CSMD1: variants seen among roughly 807,000 people sequenced by gnomAD.
CSMD1 encodes CUB and Sushi multiple domains 1.
A neutral mutation model predicts 417.5 loss-of-function variants in CSMD1; 213 were observed. The observed-to-expected ratio is 0.51, with a 90% CI of 0.46 to 0.57. The LOEUF is 0.57. CSMD1 is among the 20% of genes least tolerant of loss of function. The pLI is 0.00. For missense variants in CSMD1, 6,923 were observed against 4,529.7 expected, an observed-to-expected ratio of 1.53 and a Z score of -15.17; for synonymous variants, 2,862 against 1,736.8, an observed-to-expected ratio of 1.65 and a Z score of -16.11.
chr8:3,892,816 A>G (rs1388542302), intron 5 of CSMD1, among the ~76,000 whole-genome samples: 1 of 148,660 alleles, frequency 6.7e-6, no homozygotes, highest in Admixed American at 6.9e-5. Flanking sequence ...CAGGTGAGCC[A>G]TGACGCCCAA....
intron 7 of CSMD1, among the ~76,000 whole-genome samples, chr8:3,647,578 G>A (rs1381735943): frequency 6.6e-6 from 1 of 152,140 alleles, no homozygotes; most frequent in Non-Finnish European, 1.5e-5. Context: ...ACGGCATAAA[G>A]AAAAACACAG....
At chr8:4,175,143 G>C (rs144846179) in intron 3 of CSMD1, among the ~76,000 whole-genome samples, 13 of 151,862 alleles carry the variant, frequency 8.6e-5, no homozygotes, top group East Asian at 3.9e-4. Context: ...GTAAGACCTC[G>C]ACCATCAAGA....
At chr8:4,390,568 C>A (rs754016669) in intron 3 of CSMD1, among the ~76,000 whole-genome samples, 12 of 143,642 alleles carry the variant, frequency 8.4e-5, no homozygotes, top group Non-Finnish European at 1.8e-4. Context: ...GGCTGGAGTG[C>A]AGTGGTGCGA....
intron 7 of CSMD1, among the ~76,000 whole-genome samples, chr8:3,704,157 C>A (rs555437752): frequency 2.4e-4 from 37 of 152,110 alleles, no homozygotes; most frequent in Non-Finnish European, 4.4e-4. Context: ...AAAAACCAGT[C>A]AGTTAGACAG....
chr8:4,273,126 T>C (rs973521044), intron 3 of CSMD1, among the ~76,000 whole-genome samples: 2 of 152,104 alleles, frequency 1.3e-5, no homozygotes, highest in South Asian at 2.1e-4. Flanking sequence ...AGCCAAATGA[T>C]AGAGGGAAAA....
intron 7 of CSMD1, among the ~76,000 whole-genome samples, chr8:3,667,377 G>C (rs1317891987): frequency 6.6e-6 from 1 of 152,118 alleles, no homozygotes; most frequent in Non-Finnish European, 1.5e-5. Flanking sequence ...ATTTGAGAAA[G>C]GTCTCGGAGG....
At chr8:4,342,071 G>A (rs1800507944) in intron 3 of CSMD1, among the ~76,000 whole-genome samples, 1 of 152,220 alleles carries the variant, frequency 6.6e-6, no homozygotes, top group South Asian at 2.1e-4. Flanking sequence ...AGATCCTGCA[G>A]TTCAAGTAGC....
At chr8:3,732,086 T>G (rs181024147) in intron 6 of CSMD1, among the ~76,000 whole-genome samples, 3 of 152,068 alleles carry the variant, frequency 2.0e-5, no homozygotes, top group Non-Finnish European at 2.9e-5. Flanking sequence ...CCTAATAAAA[T>G]GGATGCCACC....
At chr8:4,905,538 G>C (rs1805185710) in intron 1 of CSMD1, among the ~76,000 whole-genome samples, 1 of 151,918 alleles carries the variant, frequency 6.6e-6, no homozygotes, top group Non-Finnish European at 1.5e-5. Flanking sequence ...AAAAGAAATC[G>C]GTCAGACACA....
intron 3 of CSMD1, among the ~76,000 whole-genome samples, chr8:4,241,713 T>C (rs1273724410): frequency 1.3e-5 from 2 of 152,130 alleles, no homozygotes; most frequent in African/African-American, 4.8e-5. Context: ...TTTTTCTTTT[T>C]TTTTTTTTGA....
At chr8:4,260,278 G>GTATT (rs1232747030) in intron 3 of CSMD1, among the ~76,000 whole-genome samples, 1 of 152,070 alleles carries the variant, frequency 6.6e-6, no homozygotes, top group African/African-American at 2.4e-5. Context: ...ATTAATGTTT[G>GTATT]TATTTGTTCA....
At chr8:4,678,647 A>G (rs1478343041) in intron 1 of CSMD1, among the ~76,000 whole-genome samples, 2 of 152,180 alleles carry the variant, frequency 1.3e-5, no homozygotes, top group Non-Finnish European at 2.9e-5. Context: ...CTACCTATTT[A>G]TTTATCAGGG....
intron 26 of CSMD1, among the ~76,000 whole-genome samples, chr8:3,271,244 C>G (rs1312279711): frequency 6.6e-6 from 1 of 152,010 alleles, no homozygotes; most frequent in Non-Finnish European, 1.5e-5. Context: ...CATGTCCCTA[C>G]AAAGCACATG....
chr8:4,740,375 C>T (rs577700612), intron 1 of CSMD1, among the ~76,000 whole-genome samples: 47 of 151,952 alleles, frequency 3.1e-4, no homozygotes, highest in Non-Finnish European at 6.0e-4. Context: ...TGTAGAAATA[C>T]AGTATTAGAA....
intron 3 of CSMD1, among the ~76,000 whole-genome samples, chr8:4,046,374 T>C (rs138791620): frequency 8.5e-5 from 13 of 152,322 alleles, no homozygotes; most frequent in East Asian, 5.8e-4. Flanking sequence ...TTTAATTTAC[T>C]TGGCATTAGT....
intron 3 of CSMD1, among the ~76,000 whole-genome samples, chr8:4,198,896 A>G (rs1455967378): frequency 6.6e-6 from 1 of 151,952 alleles, no homozygotes; most frequent in Non-Finnish European, 1.5e-5. Context: ...AATTAAAACT[A>G]TTTTTACTTT....
chr8:4,844,265 G>A (rs891620017), intron 1 of CSMD1, among the ~76,000 whole-genome samples: 2 of 152,100 alleles, frequency 1.3e-5, no homozygotes, highest in Non-Finnish European at 2.9e-5. Flanking sequence ...AGCATTTGGG[G>A]ACTCGGTGTT....
chr8:4,575,760 A>G (rs1284461285), intron 2 of CSMD1, among the ~76,000 whole-genome samples: 4 of 152,196 alleles, frequency 2.6e-5, no homozygotes, highest in Non-Finnish European at 5.9e-5. Flanking sequence ...CTCATACTCC[A>G]CAAGTGCTTA....
At chr8:4,602,536 T>C (rs772169546) in intron 2 of CSMD1, among the ~76,000 whole-genome samples, 6 of 152,182 alleles carry the variant, frequency 3.9e-5, no homozygotes, top group South Asian at 2.1e-4. Context: ...TAGGAACATA[T>C]TGGTCATTAT....
Sources: gnomAD v4.1 joint callset for allele counts (sites outside exome capture counted in the v4.1 genomes callset) on GRCh38, gnomAD v4.1.1 for gene constraint, MANE v1.5 for transcripts, NCBI Gene and HGNC (gene_info 2026-07-23, HGNC 2026-07-21) for gene names.